UGT1A7: variants seen among roughly 807,000 people sequenced by gnomAD.
UGT1A7 encodes the protein UDP glucuronosyltransferase family 1 member A7, also known as UDP-glucuronosyltransferase 1A7.
Under a neutral mutation model 45.6 loss-of-function variants are expected in UGT1A7, and 33 were observed. That is an observed-to-expected ratio of 0.72 (90% CI 0.55 to 0.97). The LOEUF (loss-of-function observed/expected upper bound fraction) is 0.97. Among genes scored for constraint, UGT1A7 ranks in the 50% least tolerant of loss-of-function variants. The probability of loss-of-function intolerance (pLI) is 0.00; values close to 1 mark genes in which losing one functional copy is unlikely to be tolerated. For missense variants in UGT1A7, 684 were observed against 666.2 expected (o/e 1.03, Z -0.29); for synonymous variants, 274 against 250.6 (o/e 1.09, Z -0.88).
intron 1 of UGT1A7, among the ~76,000 whole-genome samples, chr2:233,748,859 T>G (rs1694048871): frequency 6.6e-6 from 1 of 151,492 alleles, no homozygotes; most frequent in Non-Finnish European, 1.5e-5. Flanking sequence ...TAAGCCCAGT[T>G]AAGCTGGGGA....
intron 1 of UGT1A7, chr2:233,693,537 T>G: frequency 6.2e-7 from 1 of 1,614,218 alleles, no homozygotes; most frequent in Non-Finnish European, 8.5e-7. Flanking sequence ...CCGTGTTCCC[T>G]GGAGCATACA....
chr2:233,766,585 G>A (rs1016585528), intron 1 of UGT1A7, among the ~76,000 whole-genome samples: 22 of 152,180 alleles, frequency 1.4e-4, no homozygotes, highest in African/African-American at 5.3e-4. Flanking sequence ...TGGGGGTGGA[G>A]CCCTCGCCAG....
intron 1 of UGT1A7, chr2:233,693,859 G>A: frequency 6.2e-7 from 1 of 1,614,192 alleles, no homozygotes; most frequent in Non-Finnish European, 8.5e-7. Flanking sequence ...GGAAAGACTT[G>A]TCTCAGGTTG....
intron 1 of UGT1A7, among the ~76,000 whole-genome samples, chr2:233,687,600 A>AG (rs1235597236): frequency 6.6e-6 from 1 of 151,498 alleles, no homozygotes; most frequent in East Asian, 1.9e-4. Context: ...AAAAAAAAAA[A>AG]AAAAAAAGGA....
At chr2:233,693,703 A>G (rs1559346623) in intron 1 of UGT1A7, 1 of 1,614,248 alleles carries the variant, frequency 6.2e-7, no homozygotes, top group Non-Finnish European at 8.5e-7. Flanking sequence ...AAGAACTCGC[A>G]TCAGCTGTCC....
chr2:233,738,486 T>C (rs1260702507), intron 1 of UGT1A7, among the ~76,000 whole-genome samples: 1 of 152,220 alleles, frequency 6.6e-6, no homozygotes, highest in Non-Finnish European at 1.5e-5. Flanking sequence ...GGAGACTTGT[T>C]GAACGGTTTT....
rs1030911458 is a variant in UGT1A7 at position 233,746,492 on chromosome 2, A to G, written c.856-20542A>G. Among the ~76,000 whole-genome samples, 6 of 151,536 alleles carry G rather than the reference A, an allele frequency of 4.0e-5. 1 individual carries two copies. Among genetic ancestry groups the G allele is most frequent in the African/African-American group, 1.5e-4 (6 of 40,956 alleles). ...CAGAAACACTTTCCATGGACATGTC[A>G]CTCTTTAGTAGCCCCCAAAGCAAGA... On this transcript the variant is annotated intron_variant, in intron 1 of 4. Coordinates refer to ENST00000373426, the MANE Select transcript of UGT1A7 (RefSeq NM_019077.3).
chr2:233,712,650 T>G (rs2076245688), intron 1 of UGT1A7, among the ~76,000 whole-genome samples: 1 of 151,870 alleles, frequency 6.6e-6, no homozygotes, highest in Admixed American at 6.5e-5. Context: ...CTGATAAACG[T>G]GGTTAAGAGA....
intron 1 of UGT1A7, chr2:233,755,069 G>T: frequency 2.2e-6 from 3 of 1,336,508 alleles, no homozygotes; most frequent in Non-Finnish European, 3.0e-6. Flanking sequence ...CCTCGCCATA[G>T]CGGTCATAGA....
At position 233,682,585 on chromosome 2, in the gene UGT1A7, A is replaced by T. The variant is rs1276385712; in HGVS notation, c.648A>T (p.Glu216Asp). ...RVWNHIMHLE[E>D]HLFCPYFFKN... Reference sequence around the variant, plus strand: ...GGAACCACATCATGCACTTGGAGGAACATTTATTTTGCCCCTATTTTTTCA... The same window carrying T: ...GGAACCACATCATGCACTTGGAGGATCATTTATTTTGCCCCTATTTTTTCA... Residue 216 changes from glutamate to aspartate, a missense_variant, in exon 1 of 5, where the codon GAA becomes GAT. Physicochemically the swap from Glu to Asp is conservative, Grantham distance 45. Transcript: ENST00000373426. The T allele has an allele frequency of 6.2e-7, 1 of 1,613,824 alleles. No individual in the cohort carries two copies. The highest frequency in any genetic ancestry group is 2.2e-5 in the East Asian group (1 of 44,888).
intron 1 of UGT1A7, chr2:233,740,779 T>C (rs1209368922): frequency 1.3e-5 from 2 of 151,852 alleles, no homozygotes; most frequent in African/African-American, 4.9e-5. Flanking sequence ...GTATAAAAGA[T>C]GAATACCCAC....
chr2:233,755,374 C>T (rs1205727870), intron 1 of UGT1A7: 2 of 355,400 alleles, frequency 5.6e-6, no homozygotes, highest in East Asian at 1.5e-4. Flanking sequence ...CCTGGAGGGC[C>T]GCCCCTTATG....
intron 1 of UGT1A7, chr2:233,692,834 T>C: frequency 6.2e-6 from 9 of 1,445,768 alleles, no homozygotes; most frequent in East Asian, 2.5e-5. Flanking sequence ...GTGATTAAAA[T>C]GGTTAAATAT....
At chr2:233,714,222 C>T (rs2076374156) in intron 1 of UGT1A7, among the ~76,000 whole-genome samples, 1 of 152,096 alleles carries the variant, frequency 6.6e-6, no homozygotes, top group East Asian at 1.9e-4. Flanking sequence ...ATCTTGCTGG[C>T]AAGATTTTCA....
In UGT1A7 at chr2:233,755,096, G is replaced by A. The variant is rs62191920; in HGVS notation, c.856-11938G>A. On this transcript the variant is annotated intron_variant, in intron 1 of 4. Transcript: ENST00000373426. ...GGTCATAGATATCGCGTTTCTACGC[G>A]TCCGACAACACCTCGTAGGCCTCAG... 3.7e-6 allele frequency: 5 copies of A among 1,334,470 alleles called. No individual in the cohort carries two copies. The Admixed American group carries it at 7.6e-5, about 20-fold the overall frequency. 82.7% of individuals were successfully genotyped at this position (1,334,470 alleles called of 1,614,324 possible).
At chr2:233,728,069 G>T (rs750317437) in intron 1 of UGT1A7, among the ~76,000 whole-genome samples, 1 of 152,220 alleles carries the variant, frequency 6.6e-6, no homozygotes, top group Non-Finnish European at 1.5e-5. Context: ...CCTTGTGAGT[G>T]CTCAGGGTCT....
At chr2:233,690,976 A>C in intron 1 of UGT1A7, 1 of 1,000,136 alleles carries the variant, frequency 1.0e-6, no homozygotes, top group African/African-American at 1.7e-5. Context: ...TAAGAACAGG[A>C]CCCACATATG....
chr2:233,731,757 G>A (rs2078201217), intron 1 of UGT1A7, among the ~76,000 whole-genome samples: 1 of 152,162 alleles, frequency 6.6e-6, no homozygotes. Flanking sequence ...GTGTGCATGT[G>A]TCCTTAGAGT....
At chr2:233,693,704 T>A in intron 1 of UGT1A7, 1 of 1,614,252 alleles carries the variant, frequency 6.2e-7, no homozygotes, top group Non-Finnish European at 8.5e-7. Context: ...AGAACTCGCA[T>A]CAGCTGTCCT....
Sources: allele counts gnomAD v4.1 joint callset (sites outside exome capture counted in the v4.1 genomes callset), GRCh38; gene constraint gnomAD v4.1.1; transcripts MANE v1.5; gene names NCBI Gene and HGNC (gene_info 2026-07-23, HGNC 2026-07-21).